Variants in RNF40 observed in about 807,000 individuals in gnomAD.
The protein encoded by RNF40 is ring finger protein 40, also known as E3 ubiquitin-protein ligase BRE1B.
A neutral mutation model predicts 123.3 loss-of-function variants in RNF40; 39 were observed. That is an observed-to-expected ratio of 0.32 (90% CI 0.24 to 0.41). The LOEUF is 0.41. RNF40 is among the 10% of genes least tolerant of loss of function. RNF40 has a pLI of 1.00. For synonymous variants in RNF40, 538 were observed against 526.0 expected, an observed-to-expected ratio of 1.02 and a Z score of -0.31; for missense variants, 1,003 against 1,319.9, an observed-to-expected ratio of 0.76 and a Z score of 3.72.
rs1056641011 is a variant in RNF40, at chr16:30,774,953, C to G, written c.*839C>G. 1 of 456,408 alleles carries G rather than the reference C, an allele frequency of 2.2e-6. No homozygotes were observed. Among genetic ancestry groups the G allele is most frequent in the African/African-American group, 2.0e-5 (1 of 50,070 alleles). 28.3% of individuals were successfully genotyped at this position (456,408 alleles called of 1,614,324 possible). ...CAGGAGGGGAAGGGACAGACCAGCCCCAGCCGCTGGGCCAACTTCCAATCA... is the reference window on the plus strand; with the variant it reads ...CAGGAGGGGAAGGGACAGACCAGCCGCAGCCGCTGGGCCAACTTCCAATCA... On this transcript the variant is annotated 3_prime_UTR_variant, in exon 20 of 20. Coordinates refer to ENST00000324685, the MANE Select transcript of RNF40 (RefSeq NM_014771.4).
rs901278795 is a variant in RNF40, at chr16:30,775,888, A to G, written c.*1774A>G. On this transcript the variant is annotated 3_prime_UTR_variant, in exon 20 of 20. Coordinates refer to ENST00000324685, the MANE Select transcript of RNF40 (RefSeq NM_014771.4). ...CTGCTGGACCAGGACGAACTGGAGA[A>G]GGAGACGCGGGCCGCCACGGTGACC... 5 of 152,244 alleles carry G rather than the reference A, an allele frequency of 3.3e-5. No homozygotes were observed. The highest frequency in any genetic ancestry group is 7.2e-5 in the African/African-American group (3 of 41,460). 9.4% of individuals were successfully genotyped at this position (152,244 alleles called of 1,614,324 possible). A position where few individuals can be genotyped will look rare whatever the true frequency, so the allele number is the denominator to read the frequency against.
In RNF40 at chr16:30,768,637, G is replaced by C; in HGVS notation, c.1998G>C (p.Gln666His). The part of the protein sequence containing the change: ...RAELKKAQES[Q>H]KEMKLLLDMY... ...TTGCCAGGAAGGCCCAGGAGAGCCA[G>C]AAGGAGATGAAACTGCTGCTGGATA... The change falls in exon 14 of 20, where the codon CAG becomes CAC. Residue 666 changes from glutamine (Q) to histidine (H), a missense_variant. Physicochemically the swap from Gln to His is conservative, Grantham distance 24. Transcript: ENST00000324685. The surrounding 1 kb of genome is among the most constrained non-coding windows in gnomAD (Gnocchi z 4.1). The C allele has an allele frequency of 1.2e-6, 2 of 1,614,234 alleles. No individual in the cohort carries two copies. Among genetic ancestry groups the C allele is most frequent in the Non-Finnish European group, 1.7e-6 (2 of 1,180,052 alleles).
At position 30,771,946 on chromosome 16, in the gene RNF40, A is replaced by G; in HGVS notation, c.2700A>G (p.Lys900=). ...CAGAGAGCCGGGCTGCTCGTGAGAA[A>G]GAGAGCTTCAACCTCAAGAGGGCTC... ...CLAESRAARE[K]ESFNLKRAQE... Residue 900 remains lysine, a synonymous_variant, in exon 18 of 20, where the codon AAA becomes AAG. Coordinates refer to ENST00000324685, the MANE Select transcript of RNF40 (RefSeq NM_014771.4). The G allele has an allele frequency of 1.9e-6, 3 of 1,600,080 alleles. No individual in the cohort carries two copies. The highest frequency in any genetic ancestry group is 2.6e-6 in the Non-Finnish European group (3 of 1,171,320).
chr16:30,764,155 T>C (rs747259442), intron 4 of RNF40, 24 bp from the exon 5 acceptor site: 3 of 1,586,022 alleles, frequency 1.9e-6, no homozygotes, highest in East Asian at 2.3e-5. Context: ...CTTATCCTCA[T>C]GAGGGTCTGT....
Position 30,775,724 on chromosome 16 carries a change from G to C in RNF40, c.*1610G>C, listed in dbSNP as rs1198207707. 1.3e-5 allele frequency: 2 copies of C among 152,562 alleles called. No individual in the cohort carries two copies. The highest frequency in any genetic ancestry group is 4.8e-5 in the African/African-American group (2 of 41,482). 9.5% of individuals were successfully genotyped at this position (152,562 alleles called of 1,614,324 possible). On this transcript the variant is annotated 3_prime_UTR_variant, in exon 20 of 20. Transcript: ENST00000324685. ...CGGATCCTTCACCGAGGCAGGACTG[G>C]GGCTGGCGCCAGAGCCGGTGCGGAG... is the stretch of plus-strand genomic sequence containing the variant.
At position 30,771,169 on chromosome 16, in the gene RNF40, A is replaced by C. The variant is rs1254608340; in HGVS notation, c.2587-664A>C. Among the ~76,000 whole-genome samples the C allele has an allele frequency of 2.0e-5, 3 of 152,330 alleles. No homozygotes were observed. The East Asian group carries it at 5.8e-4, about 29-fold the overall frequency. ...AGTAATCCCCCAAATAAAATAGTGC[A>C]TGTCACAGTAAGCCTTGTGCAGGAA... On this transcript the variant is annotated intron_variant, in intron 17 of 19. Transcript: ENST00000324685.
At position 30,771,320 on chromosome 16, in the gene RNF40, C is replaced by G. The variant is rs142956568; in HGVS notation, c.2587-513C>G. ...CAGAGAGGAGAGCCTTGTGAAAGCT[C>G]AAAAACCAGACAGCAGGCCAGGCGT... is the stretch of plus-strand genomic sequence containing the variant. On this transcript the variant is annotated intron_variant, in intron 17 of 19. Transcript: ENST00000324685. Among the ~76,000 whole-genome samples the G allele has an allele frequency of 3.9e-3, 590 of 151,952 alleles. 3 individuals carry two copies. The highest frequency in any genetic ancestry group is 0.013 in the African/African-American group (557 of 41,444).
Position 30,767,989 on chromosome 16 carries a change from C to G in RNF40, c.1525C>G (p.Arg509Gly). 1 of 1,614,224 alleles carries G rather than the reference C, an allele frequency of 6.2e-7. No individual in the cohort carries two copies. The highest frequency in any genetic ancestry group is 8.5e-7 in the Non-Finnish European group (1 of 1,180,048). Reference sequence around the variant, plus strand: ...CGCCCAGCGATACAAGCGGAAGCTTCGAGAAGTACAAGCTGAGATTGGCAA... The same window carrying G: ...CGCCCAGCGATACAAGCGGAAGCTTGGAGAAGTACAAGCTGAGATTGGCAA... ...GDAQRYKRKL[R>G]EVQAEIGKLR... The change falls in exon 12 of 20, where the codon CGA becomes GGA. Residue 509 changes from arginine (R) to glycine (G), a missense_variant. Transcript: ENST00000324685.
At chr16:30,769,154 C>G in intron 15 of RNF40, 32 bp from the exon 16 acceptor site, 1 of 1,609,604 alleles carries the variant, frequency 6.2e-7, no homozygotes, top group Non-Finnish European at 8.5e-7. Flanking sequence ...CCACTTCCCA[C>G]GTTCCATCTT....
chr16:30,768,039 A>G lies in RNF40; in HGVS notation c.1551+24A>G, dbSNP rs1420888832. 1.2e-6 allele frequency: 2 copies of G among 1,614,200 alleles called. No individual in the cohort carries two copies. Among genetic ancestry groups the G allele is most frequent in the East Asian group, 4.5e-5 (2 of 44,876 alleles). ...AGGTGAGAAGGGGCCTGCCTGGGAA[A>G]AGGTTTGGCTAGACTCCAGTGAACA... On this transcript the variant is annotated intron_variant, in intron 12 of 19. Coordinates refer to ENST00000324685, the MANE Select transcript of RNF40 (RefSeq NM_014771.4). This position sits in a 1 kb window ranked among gnomAD's most constrained non-coding sequence, Gnocchi z 4.1.
In RNF40 at chr16:30,774,559, C is replaced by T. The variant is rs1393871801; in HGVS notation, c.*445C>T. The stretch of plus-strand genomic sequence containing the variant: ...TCCTTGTTCCTTGTTTGAGACTGGG[C>T]TGCAGGCCCCAGGAAGACTTTCCTT... On this transcript the variant is annotated 3_prime_UTR_variant, in exon 20 of 20. Coordinates refer to ENST00000324685, the MANE Select transcript of RNF40 (RefSeq NM_014771.4). 2 of 226,684 alleles carry T rather than the reference C, an allele frequency of 8.8e-6. No individual in the cohort carries two copies. Among genetic ancestry groups the T allele is most frequent in the East Asian group, 2.3e-4 (2 of 8,718 alleles). 14.0% of individuals were successfully genotyped at this position (226,684 alleles called of 1,614,324 possible).
intron 3 of RNF40, 50 bp from the exon 4 acceptor site, chr16:30,763,368 T>C: frequency 1.9e-6 from 3 of 1,604,738 alleles, no homozygotes; most frequent in Non-Finnish European, 2.6e-6. Context: ...GAGTATCATG[T>C]TGGAAAGCAC....
Position 30,769,512 on chromosome 16 carries a change from A to C in RNF40, c.2498A>C (p.Glu833Ala). ...AQLLTVQKLE[E>A]KERALQGSLG... Reference sequence around the variant, plus strand: ...CTGCTGACTGTGCAGAAGCTAGAGGAGAAGGAGCGAGCCTTGCAGGGCAGC... The same window carrying C: ...CTGCTGACTGTGCAGAAGCTAGAGGCGAAGGAGCGAGCCTTGCAGGGCAGC... Residue 833 changes from glutamate to alanine, a missense_variant, in exon 17 of 20, where the codon GAG becomes GCG. By Grantham distance (107) the Glu-to-Ala change is moderately radical. Around this residue, in one of 11 missense-constraint regions of RNF40, gnomAD observed 121 missense variants for 125.3 expected, o/e 0.97. Coordinates refer to ENST00000324685, the MANE Select transcript of RNF40 (RefSeq NM_014771.4). 1 of 1,613,730 alleles carries C rather than the reference A, an allele frequency of 6.2e-7. No individual in the cohort carries two copies. Among genetic ancestry groups the C allele is most frequent in the Non-Finnish European group, 8.5e-7 (1 of 1,179,812 alleles).
rs2054231815 is a variant in RNF40, at chr16:30,776,120, G to A, written c.*2006G>A. On this transcript the variant is annotated 3_prime_UTR_variant, in exon 20 of 20. Coordinates refer to ENST00000324685, the MANE Select transcript of RNF40 (RefSeq NM_014771.4). ...AGCGCCGCACCGGTCACGGGTGGAG[G>A]TCAGCCAGGCCTCCGTAAGCGCGGT... 1 of 152,282 alleles carries A rather than the reference G, an allele frequency of 6.6e-6. No homozygotes were observed. Among genetic ancestry groups the A allele is most frequent in the Non-Finnish European group, 1.5e-5 (1 of 68,066 alleles). The allele number at this position is 152,282 out of a possible 1,614,324, so 9.4% of individuals were successfully genotyped here. A position where few individuals can be genotyped will look rare whatever the true frequency, so the allele number is the denominator to read the frequency against.
At chr16:30,771,802 C>G in intron 17 of RNF40, 31 bp from the exon 18 acceptor site, 1 of 1,531,694 alleles carries the variant, frequency 6.5e-7, no homozygotes, top group Non-Finnish European at 8.8e-7. Context: ...AGGCTCAGAC[C>G]AGTGCCTCCT....
Position 30,774,334 on chromosome 16 carries a change from G to T in RNF40, c.*220G>T, listed in dbSNP as rs1307681998. On this transcript the variant is annotated 3_prime_UTR_variant, in exon 20 of 20. Coordinates refer to ENST00000324685, the MANE Select transcript of RNF40 (RefSeq NM_014771.4). ...TAAAGGTCAGAGCTGCAGCCTAGGGGGCACTGCCCTACAGAAAAGGTCTGC... is the reference window on the plus strand; with the variant it reads ...TAAAGGTCAGAGCTGCAGCCTAGGGTGCACTGCCCTACAGAAAAGGTCTGC... The T allele has an allele frequency of 1.1e-5, 6 of 534,922 alleles. No individual in the cohort carries two copies. The East Asian group carries it at 1.8e-4, about 16-fold the overall frequency. The allele number at this position is 534,922 out of a possible 1,614,324, so 33.1% of individuals were successfully genotyped here. A position where few individuals can be genotyped will look rare whatever the true frequency, so the allele number is the denominator to read the frequency against.
chr16:30,761,805 A>G, upstream of RNF40: 1 of 1,444,100 alleles, frequency 6.9e-7, no homozygotes, highest in East Asian at 2.5e-5. Flanking sequence ...AGGTTCCAGG[A>G]CAGCCAGCGC....
intron 5 of RNF40, 41 bp from the exon 6 acceptor site, chr16:30,764,897 T>C: frequency 6.3e-7 from 1 of 1,592,794 alleles, no homozygotes; most frequent in Non-Finnish European, 8.5e-7. Context: ...GTTTGCCCCA[T>C]TGCCCTGAGC....
chr16:30,762,240 C>T (rs1344132695), upstream of RNF40: 2 of 404,840 alleles, frequency 4.9e-6, no homozygotes, highest in African/African-American at 4.2e-5. Flanking sequence ...TTCCTCACAT[C>T]CGGGGCTGCC....
Sources: allele counts gnomAD v4.1 joint callset (sites outside exome capture counted in the v4.1 genomes callset), GRCh38; gene constraint gnomAD v4.1.1; regional missense constraint gnomAD v4.1.1; non-coding constraint Gnocchi (gnomAD v3.1); transcripts MANE v1.5; gene names NCBI Gene and HGNC (gene_info 2026-07-23, HGNC 2026-07-21).